The following ENTREP2 variants were observed in gnomAD, a reference collection of about 807,000 sequenced individuals.
The protein encoded by ENTREP2 is protein ENTREP2.
the ENTREP2 span, among the ~76,000 whole-genome samples, chr15:29,598,045 C>T: frequency 6.6e-6 from 1 of 152,088 alleles, no homozygotes; most frequent in Admixed American, 6.6e-5. Context: ...ATCTCTTGAG[C>T]CTGGGAGGCA....
the ENTREP2 span, among the ~76,000 whole-genome samples, chr15:29,631,270 T>C: frequency 6.6e-6 from 1 of 152,090 alleles, no homozygotes; most frequent in East Asian, 1.9e-4. Flanking sequence ...GTGCTTTTGT[T>C]TGTGGTCTGT....
the ENTREP2 span, among the ~76,000 whole-genome samples, chr15:29,413,319 T>C: frequency 2.0e-5 from 3 of 152,220 alleles, no homozygotes; most frequent in Admixed American, 6.5e-5. Context: ...TTCTGTCTGA[T>C]AGATCAACAA....
At chr15:29,271,416 G>T in the ENTREP2 span, among the ~76,000 whole-genome samples, 1 of 152,122 alleles carries the variant, frequency 6.6e-6, no homozygotes, top group African/African-American at 2.4e-5. Flanking sequence ...GTTTTATATT[G>T]TTTTATACTC....
At chr15:29,384,385 T>C in the ENTREP2 span, among the ~76,000 whole-genome samples, 1 of 152,178 alleles carries the variant, frequency 6.6e-6, no homozygotes, top group African/African-American at 2.4e-5. Context: ...GGTTCATCTC[T>C]CTGCCCTCTG....
chr15:29,625,350 A>G, the ENTREP2 span, among the ~76,000 whole-genome samples: 4 of 152,312 alleles, frequency 2.6e-5, no homozygotes, highest in African/African-American at 9.6e-5. Context: ...GTGTGTGAAT[A>G]TAACTTTCCA....
chr15:29,401,892 T>C, the ENTREP2 span, among the ~76,000 whole-genome samples: 2 of 152,164 alleles, frequency 1.3e-5, no homozygotes, highest in Non-Finnish European at 2.9e-5. Flanking sequence ...CACTGAAGGA[T>C]CTCTGTGTAA....
chr15:29,353,026 A>G, the ENTREP2 span, among the ~76,000 whole-genome samples: 1 of 152,224 alleles, frequency 6.6e-6, no homozygotes, highest in Non-Finnish European at 1.5e-5. Context: ...TGACACTTAC[A>G]TTAGAGCATA....
the ENTREP2 span, among the ~76,000 whole-genome samples, chr15:29,378,873 T>C: frequency 9.8e-5 from 15 of 152,334 alleles, no homozygotes; most frequent in East Asian, 1.5e-3. Flanking sequence ...AGCACCCTAA[T>C]AGAACTTTAT....
the ENTREP2 span, among the ~76,000 whole-genome samples, chr15:29,350,292 C>T: frequency 6.6e-6 from 1 of 152,030 alleles, no homozygotes. Flanking sequence ...AATATATTGG[C>T]ATAAGGTTGC....
At chr15:29,670,359 C>T in the ENTREP2 span, among the ~76,000 whole-genome samples, 1 of 152,148 alleles carries the variant, frequency 6.6e-6, no homozygotes, top group South Asian at 2.1e-4. Flanking sequence ...TCGCCCAGAA[C>T]AGTGGTTCCA....
At chr15:29,556,792 T>C in the ENTREP2 span, among the ~76,000 whole-genome samples, 2 of 134,746 alleles carry the variant, frequency 1.5e-5, no homozygotes, top group South Asian at 4.9e-4. Flanking sequence ...GTGGATTCAG[T>C]TCCCCACCTG....
At chr15:29,595,086 AAAAAAAAAAAAT>A in the ENTREP2 span, among the ~76,000 whole-genome samples, 1 of 149,190 alleles carries the variant, frequency 6.7e-6, no homozygotes, top group African/African-American at 2.5e-5. Flanking sequence ...AAAAAAAAAA[AAAAAAAAAAAAT>A]TTAAAATTAG....
the ENTREP2 span, among the ~76,000 whole-genome samples, chr15:29,505,498 C>T: frequency 1.3e-5 from 2 of 152,200 alleles, no homozygotes; most frequent in African/African-American, 4.8e-5. The surrounding 1 kb of genome is among the most constrained non-coding windows in gnomAD (Gnocchi z 4.3). Flanking sequence ...ACACCTCACA[C>T]AGGAGAGCTC....
the ENTREP2 span, among the ~76,000 whole-genome samples, chr15:29,339,209 C>T: frequency 6.6e-6 from 1 of 152,236 alleles, no homozygotes; most frequent in South Asian, 2.1e-4. Context: ...CCCCTCCATT[C>T]GGCTTTGATG....
the ENTREP2 span, among the ~76,000 whole-genome samples, chr15:29,305,017 C>T: frequency 4.6e-5 from 7 of 152,140 alleles, no homozygotes; most frequent in African/African-American, 4.8e-5. Context: ...TTCTAACAGA[C>T]GTTACCATTT....
At chr15:29,554,897 G>A in the ENTREP2 span, among the ~76,000 whole-genome samples, 3 of 152,136 alleles carry the variant, frequency 2.0e-5, no homozygotes, top group Non-Finnish European at 1.5e-5. Flanking sequence ...TCTTACACAC[G>A]TTAGCAATAC....
chr15:29,651,152 A>G, the ENTREP2 span, among the ~76,000 whole-genome samples: 34 of 152,224 alleles, frequency 2.2e-4, 2 homozygotes, highest in Admixed American at 2.2e-3. Context: ...ATTAACAACT[A>G]GAAGACCCAT....
At chr15:29,352,683 C>T in the ENTREP2 span, among the ~76,000 whole-genome samples, 24 of 152,158 alleles carry the variant, frequency 1.6e-4, no homozygotes, top group African/African-American at 5.6e-4. Flanking sequence ...CCCTGGCTGC[C>T]GCTCACTCTG....
At chr15:29,542,661 G>A in the ENTREP2 span, among the ~76,000 whole-genome samples, 1 of 152,092 alleles carries the variant, frequency 6.6e-6, no homozygotes, top group Non-Finnish European at 1.5e-5. Flanking sequence ...ACATTGTTGT[G>A]CAACCATCAC....
Sources: allele counts gnomAD v4.1 joint callset (sites outside exome capture counted in the v4.1 genomes callset), GRCh38; gene constraint gnomAD v4.1.1; non-coding constraint Gnocchi (gnomAD v3.1); transcripts MANE v1.5; gene names NCBI Gene and HGNC (gene_info 2026-07-23, HGNC 2026-07-21).